SHISA9: variants seen among roughly 807,000 people sequenced by gnomAD.
SHISA9 encodes shisa family member 9.
A neutral mutation model predicts 38.0 loss-of-function variants in SHISA9; 13 were observed. That is an observed-to-expected ratio of 0.34 (90% CI 0.22 to 0.54). The LOEUF (loss-of-function observed/expected upper bound fraction) is 0.54, where lower values mean the gene tolerates loss of function less well. Ranked by LOEUF, SHISA9 falls within the 20% of genes least tolerant of loss-of-function variation. The pLI is 0.91. For synonymous variants in SHISA9, 275 were observed against 242.0 expected (o/e 1.14, Z -1.27); for missense variants, 538 against 575.8 (o/e 0.93, Z 0.67).
chr16:13,122,413 T>C (rs181748575), intron 2 of SHISA9, among the ~76,000 whole-genome samples: 84 of 152,260 alleles, frequency 5.5e-4, no homozygotes, highest in Non-Finnish European at 9.3e-4. Context: ...CTGGAGAGAA[T>C]GCAATAGAAA....
chr16:13,353,486 T>C, the SHISA9 span, among the ~76,000 whole-genome samples: 2 of 151,806 alleles, frequency 1.3e-5, no homozygotes. Context: ...GGAAAAATAG[T>C]GTAAACCTGC....
chr16:13,245,753 C>G, the SHISA9 span, among the ~76,000 whole-genome samples: 1 of 152,104 alleles, frequency 6.6e-6, no homozygotes, highest in African/African-American at 2.4e-5. Flanking sequence ...TTTTTTAAAA[C>G]TGATAGTATT....
At chr16:13,389,521 A>G in the SHISA9 span, among the ~76,000 whole-genome samples, 1 of 152,240 alleles carries the variant, frequency 6.6e-6, no homozygotes, top group Non-Finnish European at 1.5e-5. Flanking sequence ...TAAAAAAGAA[A>G]ACATTTCATT....
the SHISA9 span, among the ~76,000 whole-genome samples, chr16:13,248,844 TAGA>T: frequency 6.6e-6 from 1 of 152,116 alleles, no homozygotes; most frequent in African/African-American, 2.4e-5. Flanking sequence ...AGAAGTTACG[TAGA>T]AGAAGGACCA....
intron 2 of SHISA9, among the ~76,000 whole-genome samples, chr16:13,004,049 G>A (rs575659751): frequency 3.9e-5 from 6 of 152,260 alleles, no homozygotes; most frequent in East Asian, 3.9e-4. Flanking sequence ...TCAAGAAATA[G>A]GCAGGGAGAG....
chr16:13,209,382 A>G (rs188397344), intron 3 of SHISA9, among the ~76,000 whole-genome samples: 150 of 152,264 alleles, frequency 9.9e-4, no homozygotes, highest in African/African-American at 3.3e-3. Flanking sequence ...ATCTGATAAA[A>G]CAAGCAGGCA....
chr16:13,209,136 G>A (rs1410115165), intron 3 of SHISA9, among the ~76,000 whole-genome samples: 2 of 152,128 alleles, frequency 1.3e-5, no homozygotes, highest in African/African-American at 2.4e-5. Context: ...TGATGATATA[G>A]TGTAGGTAAA....
chr16:13,546,094 C>T, the SHISA9 span, among the ~76,000 whole-genome samples: 1 of 152,126 alleles, frequency 6.6e-6, no homozygotes, highest in African/African-American at 2.4e-5. Context: ...TGCCTAGAGC[C>T]AGACTTGTCT....
At chr16:13,203,311 G>C in intron 2 of SHISA9, 83 bp from the exon 3 acceptor site, 1 of 1,302,568 alleles carries the variant, frequency 7.7e-7, no homozygotes, top group Non-Finnish European at 9.9e-7. Flanking sequence ...GAGAGTTTTG[G>C]TCTCCAGTGA....
the SHISA9 span, among the ~76,000 whole-genome samples, chr16:13,394,018 A>G: frequency 6.6e-6 from 1 of 152,154 alleles, no homozygotes; most frequent in Non-Finnish European, 1.5e-5. Context: ...TTCCCACCCC[A>G]TTGACACTGG....
chr16:13,235,054 A>T lies in SHISA9; in HGVS notation c.920A>T (p.Tyr307Phe). The T allele has an allele frequency of 6.4e-7, 1 of 1,550,970 alleles. No individual in the cohort carries two copies. The highest frequency in any genetic ancestry group is 8.7e-7 in the Non-Finnish European group (1 of 1,146,758). The change falls in exon 5 of 5, where the codon TAC becomes TTC. Residue 307 changes from tyrosine (Y) to phenylalanine (F), a missense_variant. Transcript: ENST00000558583. ...PKADKVNDDF[Y>F]TKRRHLAELA... ...GCTGACAAGGTCAATGACGACTTCT[A>T]CACCAAGCGACGGCACCTGGCTGAG...
chr16:13,086,913 A>G (rs1460202303), intron 2 of SHISA9, among the ~76,000 whole-genome samples: 4 of 152,018 alleles, frequency 2.6e-5, no homozygotes, highest in African/African-American at 9.6e-5. Flanking sequence ...TGCCGCACCC[A>G]TCAACTTATC....
intron 2 of SHISA9, among the ~76,000 whole-genome samples, chr16:12,989,789 C>T (rs2072360704): frequency 6.6e-6 from 1 of 151,966 alleles, no homozygotes; most frequent in African/African-American, 2.4e-5. Flanking sequence ...TCGACTTTTG[C>T]TTTATGTTCA....
At chr16:13,454,849 G>A in the SHISA9 span, among the ~76,000 whole-genome samples, 1 of 152,158 alleles carries the variant, frequency 6.6e-6, no homozygotes, top group Non-Finnish European at 1.5e-5. Context: ...TTCTATTCAT[G>A]TGGCTTCCTT....
chr16:13,136,480 C>A (rs1023936171), intron 2 of SHISA9, among the ~76,000 whole-genome samples: 1 of 141,582 alleles, frequency 7.1e-6, no homozygotes, highest in Non-Finnish European at 1.5e-5. Flanking sequence ...CTCACTGCAA[C>A]CTCCACCTCC....
chr16:13,320,995 G>A, the SHISA9 span, among the ~76,000 whole-genome samples: 1 of 152,162 alleles, frequency 6.6e-6, no homozygotes, highest in African/African-American at 2.4e-5. Flanking sequence ...ACCAGATGAA[G>A]GTATTGAGCC....
chr16:13,282,447 A>G, the SHISA9 span, among the ~76,000 whole-genome samples: 20 of 151,926 alleles, frequency 1.3e-4, no homozygotes, highest in Non-Finnish European at 2.8e-4. Flanking sequence ...TGTTTTCTAC[A>G]GTTTAACTAC....
chr16:13,019,778 TTCTTTC>T (rs1170729728), intron 2 of SHISA9, among the ~76,000 whole-genome samples: 2 of 111,370 alleles, frequency 1.8e-5, no homozygotes, highest in African/African-American at 3.6e-5. Context: ...CTTTCTTTCT[TTCTTTC>T]TTTCTTTCTT....
intron 4 of SHISA9, among the ~76,000 whole-genome samples, chr16:13,213,861 A>G (rs1055474848): frequency 2.0e-5 from 3 of 152,220 alleles, no homozygotes; most frequent in African/African-American, 7.2e-5. Context: ...GCTATCATTA[A>G]TTAGCGCCCT....
Sources: allele counts gnomAD v4.1 joint callset (sites outside exome capture counted in the v4.1 genomes callset), GRCh38; gene constraint gnomAD v4.1.1; transcripts MANE v1.5; gene names NCBI Gene and HGNC (gene_info 2026-07-23, HGNC 2026-07-21).